The following CIMIP6 variants were observed in gnomAD, a reference collection of about 807,000 sequenced individuals.
CIMIP6 encodes uncharacterized protein C2orf73.
chr2:54,361,092 T>G, the CIMIP6 span: 1 of 152,250 alleles, frequency 6.6e-6, no homozygotes, highest in African/African-American at 2.4e-5. Flanking sequence ...TAATTCAATT[T>G]TCAATTTAAG....
the CIMIP6 span, among the ~76,000 whole-genome samples, chr2:54,337,908 A>G: frequency 6.6e-6 from 1 of 152,150 alleles, no homozygotes; most frequent in Non-Finnish European, 1.5e-5. Flanking sequence ...GTGTGGCAGG[A>G]AGGGAGTGTG....
chr2:54,345,912 T>C, the CIMIP6 span, among the ~76,000 whole-genome samples: 2 of 152,138 alleles, frequency 1.3e-5, no homozygotes, highest in South Asian at 4.1e-4. Flanking sequence ...AAGAAATAAG[T>C]ATCAACATGG....
chr2:54,350,117 A>G, the CIMIP6 span, among the ~76,000 whole-genome samples: 136 of 152,330 alleles, frequency 8.9e-4, no homozygotes, highest in African/African-American at 3.1e-3. Flanking sequence ...TGGCCTCCCA[A>G]AGTGCTGGGA....
At chr2:54,370,248 CTGTCTCAAAAAAA>C in the CIMIP6 span, among the ~76,000 whole-genome samples, 15 of 151,666 alleles carry the variant, frequency 9.9e-5, no homozygotes, top group African/African-American at 3.6e-4. Context: ...GAGTAAGACT[CTGTCTCAAAAAAA>C]GAGAAAGGAA....
the CIMIP6 span, among the ~76,000 whole-genome samples, chr2:54,357,498 T>C: frequency 4.6e-5 from 7 of 152,268 alleles, no homozygotes; most frequent in East Asian, 1.3e-3. Context: ...CCCAGTTCTC[T>C]TTCCCTACAG....
chr2:54,331,149 C>T, the CIMIP6 span: 17 of 726,136 alleles, frequency 2.3e-5, no homozygotes, highest in Non-Finnish European at 3.2e-5. Flanking sequence ...GCGCTTACAA[C>T]AATAATTTTT....
chr2:54,371,879 C>T, the CIMIP6 span, among the ~76,000 whole-genome samples: 1 of 152,168 alleles, frequency 6.6e-6, no homozygotes, highest in African/African-American at 2.4e-5. Flanking sequence ...CTGTCACTTG[C>T]TGGCTGTGTG....
At chr2:54,343,786 A>T in the CIMIP6 span, 6 of 1,612,966 alleles carry the variant, frequency 3.7e-6, no homozygotes, top group Admixed American at 1.0e-4. Flanking sequence ...CTCTAAGAGC[A>T]CCCAGAGGAG....
At chr2:54,369,205 G>A in the CIMIP6 span, among the ~76,000 whole-genome samples, 3 of 152,110 alleles carry the variant, frequency 2.0e-5, no homozygotes, top group African/African-American at 7.2e-5. Context: ...TTTGTGTGTG[G>A]GGGTGTGTGT....
chr2:54,331,507 G>T, the CIMIP6 span, among the ~76,000 whole-genome samples: 1 of 151,684 alleles, frequency 6.6e-6, no homozygotes, highest in East Asian at 1.9e-4. Flanking sequence ...AAAAGCCAAG[G>T]CACCTCCAAT....
chr2:54,335,654 C>T, the CIMIP6 span, among the ~76,000 whole-genome samples: 8 of 152,258 alleles, frequency 5.3e-5, no homozygotes, highest in African/African-American at 1.7e-4. Context: ...AGGTTTGTTG[C>T]GGTACAATTT....
chr2:54,368,773 C>G, the CIMIP6 span, among the ~76,000 whole-genome samples: 1 of 152,194 alleles, frequency 6.6e-6, no homozygotes, highest in South Asian at 2.1e-4. Context: ...CCCTGATTGG[C>G]ATTACTCCAT....
At chr2:54,380,201 G>C in the CIMIP6 span, among the ~76,000 whole-genome samples, 1 of 152,080 alleles carries the variant, frequency 6.6e-6, no homozygotes, top group South Asian at 2.1e-4. Flanking sequence ...CCTCCTATAT[G>C]CTCAGTGCTT....
the CIMIP6 span, among the ~76,000 whole-genome samples, chr2:54,345,143 G>A: frequency 1.3e-5 from 2 of 152,054 alleles, no homozygotes; most frequent in Non-Finnish European, 1.5e-5. Context: ...GAATTAAATT[G>A]ACACAAAGAT....
At chr2:54,360,296 C>G in the CIMIP6 span, 5 of 1,612,078 alleles carry the variant, frequency 3.1e-6, no homozygotes, top group Non-Finnish European at 4.2e-6. Flanking sequence ...TCCAGGGTCA[C>G]GTTCATCAGA....
At chr2:54,361,224 TAC>T in the CIMIP6 span, 1 of 152,216 alleles carries the variant, frequency 6.6e-6, no homozygotes, top group Non-Finnish European at 1.5e-5. Flanking sequence ...CACAGACACA[TAC>T]ACACTTAATT....
At chr2:54,352,907 T>G in the CIMIP6 span, among the ~76,000 whole-genome samples, 1 of 152,204 alleles carries the variant, frequency 6.6e-6, no homozygotes, top group African/African-American at 2.4e-5. Flanking sequence ...ACAGAACCTA[T>G]GGATAGAGAG....
At chr2:54,355,305 C>T in the CIMIP6 span, among the ~76,000 whole-genome samples, 7 of 152,090 alleles carry the variant, frequency 4.6e-5, no homozygotes, top group South Asian at 1.0e-3. Context: ...GTCTTAGATG[C>T]GAGTTTTTCC....
chr2:54,361,984 T>C, the CIMIP6 span, among the ~76,000 whole-genome samples: 1 of 152,200 alleles, frequency 6.6e-6, no homozygotes, highest in African/African-American at 2.4e-5. Context: ...ACCAGGAAGA[T>C]AGCAAGAAAA....
Sources: allele counts gnomAD v4.1 joint callset (sites outside exome capture counted in the v4.1 genomes callset), GRCh38; gene constraint gnomAD v4.1.1; transcripts MANE v1.5; gene names NCBI Gene and HGNC (gene_info 2026-07-23, HGNC 2026-07-21).